RANBP2: variants seen among roughly 807,000 people sequenced by gnomAD.
RANBP2 encodes E3 SUMO-protein ligase RanBP2.
RANBP2 carries 57 observed loss-of-function variants against 303.6 expected under a neutral mutation model. The ratio of observed to expected loss-of-function variants is 0.19; its 90% CI spans 0.15 to 0.23. The LOEUF (loss-of-function observed/expected upper bound fraction) is 0.23. RANBP2 is among the 10% of genes least tolerant of loss of function. The pLI, the probability that RANBP2 is intolerant of heterozygous loss-of-function variation, is 1.00. For synonymous variants in RANBP2, 1,167 were observed against 1,301.5 expected, an observed-to-expected ratio of 0.90 and a Z score of 2.23; for missense variants, 3,138 against 3,780.8, an observed-to-expected ratio of 0.83 and a Z score of 4.46.
chr2:109,331,731 A>T, the RANBP2 span, among the ~76,000 whole-genome samples: 2 of 152,228 alleles, frequency 1.3e-5, no homozygotes, highest in South Asian at 4.1e-4. Context: ...TCCTAGAACC[A>T]TGTCTGGCAC....
chr2:108,827,000 A>T, the RANBP2 span, among the ~76,000 whole-genome samples: 1 of 152,190 alleles, frequency 6.6e-6, no homozygotes, highest in African/African-American at 2.4e-5. Context: ...CTTTTTGATG[A>T]TGTCAAAAAT....
intron 9 of RANBP2, among the ~76,000 whole-genome samples, chr2:108,750,749 G>A (rs543639654): frequency 7.2e-5 from 11 of 152,064 alleles, no homozygotes; most frequent in African/African-American, 9.6e-5. Context: ...CACCATGCTC[G>A]GCTAATTTTT....
At chr2:109,438,485 G>A in the RANBP2 span, among the ~76,000 whole-genome samples, 4 of 152,116 alleles carry the variant, frequency 2.6e-5, no homozygotes, top group Non-Finnish European at 5.9e-5. Flanking sequence ...GTGGTCTGAG[G>A]ACTACCCTGG....
the RANBP2 span, among the ~76,000 whole-genome samples, chr2:109,699,979 C>T: frequency 6.6e-6 from 1 of 152,180 alleles, no homozygotes. Flanking sequence ...TGCTCAGTCT[C>T]TGAAAATAGC....
At chr2:109,224,597 C>G in the RANBP2 span, among the ~76,000 whole-genome samples, 1 of 152,210 alleles carries the variant, frequency 6.6e-6, no homozygotes, top group Admixed American at 6.5e-5. Context: ...GTGGCTCACA[C>G]CTGTAATCCC....
At chr2:108,737,264 G>C (rs1302515065) in intron 6 of RANBP2, among the ~76,000 whole-genome samples, 1 of 151,026 alleles carries the variant, frequency 6.6e-6, no homozygotes, top group Non-Finnish European at 1.5e-5. Context: ...TTGGTCACAA[G>C]TTCCTTTTAC....
the RANBP2 span, among the ~76,000 whole-genome samples, chr2:109,170,304 CTTCTCT>C: frequency 1.7e-5 from 2 of 117,012 alleles, no homozygotes; most frequent in African/African-American, 6.5e-5. Flanking sequence ...CTTCTCTTCT[CTTCTCT>C]TCTCTCCTCT....
chr2:109,732,517 C>CTGAG, the RANBP2 span, among the ~76,000 whole-genome samples: 3 of 149,528 alleles, frequency 2.0e-5, no homozygotes, highest in Admixed American at 2.0e-4. Context: ...CTTGCTCTGT[C>CTGAG]CCCCAGGCTG....
the RANBP2 span, among the ~76,000 whole-genome samples, chr2:108,911,500 C>A: frequency 6.6e-6 from 1 of 152,196 alleles, no homozygotes; most frequent in Non-Finnish European, 1.5e-5. Flanking sequence ...AGGTTTGGCT[C>A]CATCTTGCAC....
chr2:109,672,019 G>A, the RANBP2 span, among the ~76,000 whole-genome samples: 5 of 151,102 alleles, frequency 3.3e-5, no homozygotes, highest in African/African-American at 7.3e-5. Context: ...CCTCCTCCTC[G>A]TCTTTTGTTT....
At chr2:109,348,006 G>A in the RANBP2 span, 13 of 1,538,060 alleles carry the variant, frequency 8.5e-6, no homozygotes, top group Non-Finnish European at 1.1e-5. Context: ...TGCCACCCAG[G>A]GCTCTTCCCA....
chr2:109,392,685 AT>A, the RANBP2 span, among the ~76,000 whole-genome samples: 9 of 149,204 alleles, frequency 6.0e-5, no homozygotes, highest in African/African-American at 9.9e-5. Flanking sequence ...CGCCCGGCTA[AT>A]TTTTTTTTTC....
At chr2:108,739,702 T>C (rs1405530336) in intron 6 of RANBP2, among the ~76,000 whole-genome samples, 6 of 152,154 alleles carry the variant, frequency 3.9e-5, no homozygotes, top group Non-Finnish European at 7.4e-5. Flanking sequence ...TTACAAATAA[T>C]AGGCCAGGCG....
At chr2:108,900,569 A>AC in the RANBP2 span, among the ~76,000 whole-genome samples, 73 of 87,436 alleles carry the variant, frequency 8.3e-4, no homozygotes, top group Admixed American at 3.3e-3. Flanking sequence ...AGAAAAAAAA[A>AC]AAAACAAAAA....
At chr2:109,424,460 G>A in the RANBP2 span, among the ~76,000 whole-genome samples, 3 of 146,478 alleles carry the variant, frequency 2.0e-5, no homozygotes, top group Admixed American at 6.8e-5. Flanking sequence ...TCACTTTGTT[G>A]TGCCTCACAG....
the RANBP2 span, among the ~76,000 whole-genome samples, chr2:109,551,683 A>G: frequency 2.0e-4 from 30 of 152,236 alleles, no homozygotes. Context: ...CATTATAAAT[A>G]AATTAGTAAA....
chr2:108,929,210 G>A, the RANBP2 span: 1 of 1,614,060 alleles, frequency 6.2e-7, no homozygotes, highest in African/African-American at 1.3e-5. Flanking sequence ...AGGGAGGCAA[G>A]GGCCACACTC....
the RANBP2 span, among the ~76,000 whole-genome samples, chr2:109,455,160 G>T: frequency 1.3e-5 from 2 of 152,126 alleles, no homozygotes. Context: ...AGTGCTGACT[G>T]TGGTGGCCTC....
the RANBP2 span, among the ~76,000 whole-genome samples, chr2:108,976,471 G>C: frequency 6.6e-6 from 1 of 152,270 alleles, no homozygotes; most frequent in South Asian, 2.1e-4. Context: ...CCACTCTGAA[G>C]TGACTCCTTC....
Sources: allele counts gnomAD v4.1 joint callset (sites outside exome capture counted in the v4.1 genomes callset), GRCh38; gene constraint gnomAD v4.1.1; transcripts MANE v1.5; gene names NCBI Gene and HGNC (gene_info 2026-07-23, HGNC 2026-07-21).